TMEM236: variants seen among roughly 807,000 people sequenced by gnomAD.
TMEM236 encodes the protein transmembrane protein 236, also known as family with sequence similarity 23, member A.
A neutral mutation model predicts 14.7 loss-of-function variants in TMEM236; 11 were observed. That is an observed-to-expected ratio of 0.75 (90% confidence interval 0.47 to 1.24). The LOEUF (loss-of-function observed/expected upper bound fraction) is 1.24. TMEM236 is among the 50% of genes most tolerant of loss of function. The pLI, the probability that TMEM236 is intolerant of heterozygous loss-of-function variation, is 0.00. For missense variants in TMEM236, 464 were observed against 427.3 expected (o/e 1.09, Z -0.76); for synonymous variants, 182 against 168.6 (o/e 1.08, Z -0.62).
chr10:17,792,970 C>G (rs1328170395), intron 3 of TMEM236, among the ~76,000 whole-genome samples: 14 of 152,138 alleles, frequency 9.2e-5, no homozygotes, highest in Non-Finnish European at 1.3e-4. Context: ...CTTGCTGGTC[C>G]CCTCCAATGA....
At position 17,752,565 on chromosome 10, in the gene TMEM236, ATTTTCTTTT is replaced by A. The variant is rs1837225042; in HGVS notation, c.257+24_257+32del. On this transcript the variant is annotated intron_variant, in intron 1 of 3. Transcript: ENST00000377495. ...AAATTAAAGGATGGTAAGTAAAAGA[ATTTTCTTTT>A]TTTTCTTTTTGATTTGGAGTCTCGC... 7 of 1,612,496 alleles carry A rather than the reference ATTTTCTTTT, an allele frequency of 4.3e-6. No individual in the cohort carries two copies. The highest frequency in any genetic ancestry group is 1.7e-6 in the Non-Finnish European group (2 of 1,178,806).
intron 1 of TMEM236, among the ~76,000 whole-genome samples, chr10:17,770,608 C>T (rs1454773901): frequency 6.6e-6 from 1 of 152,206 alleles, no homozygotes; most frequent in East Asian, 1.9e-4. Flanking sequence ...TGGTCTCGAT[C>T]TCCTGACCTC....
At chr10:17,770,059 T>C (rs1837543247) in intron 1 of TMEM236, among the ~76,000 whole-genome samples, 1 of 152,084 alleles carries the variant, frequency 6.6e-6, no homozygotes, top group Non-Finnish European at 1.5e-5. Flanking sequence ...AACGTTTAGC[T>C]CCCACTTATA....
intron 2 of TMEM236, among the ~76,000 whole-genome samples, chr10:17,774,503 CT>C (rs1169072652): frequency 6.6e-6 from 1 of 151,264 alleles, no homozygotes; most frequent in Non-Finnish European, 1.5e-5. Context: ...AAAATCCATC[CT>C]TCCCACATTT....
rs1159493366 is a variant in TMEM236, at chr10:17,795,771, G to A, written c.473-150G>A. On this transcript the variant is annotated intron_variant, in intron 3 of 3. Coordinates refer to ENST00000377495, the MANE Select transcript of TMEM236 (RefSeq NM_001098844.3). The stretch of plus-strand genomic sequence containing the variant: ...CCTGCATGTCCTGCACATGTATCCT[G>A]GAACTTAAAATAAAATTAAATTAAA... 37 of 918,212 alleles carry A rather than the reference G, an allele frequency of 4.0e-5. No individual in the cohort carries two copies. The Admixed American group carries it at 8.6e-4, about 21-fold the overall frequency. 56.9% of individuals were successfully genotyped at this position (918,212 alleles called of 1,614,324 possible).
At chr10:17,786,764 G>T (rs1425645556) in intron 3 of TMEM236, among the ~76,000 whole-genome samples, 3 of 152,074 alleles carry the variant, frequency 2.0e-5, no homozygotes, top group Non-Finnish European at 4.4e-5. Flanking sequence ...TGGCTGTGTC[G>T]CCACCCAAAT....
At chr10:17,762,900 G>A (rs188367824) in intron 1 of TMEM236, among the ~76,000 whole-genome samples, 1,522 of 151,626 alleles carry the variant, frequency 0.01, 26 homozygotes, top group African/African-American at 0.034. Context: ...CAATCCATCT[G>A]CCTCGGCCTC....
At chr10:17,778,949 C>T (rs1306329988) in intron 3 of TMEM236, among the ~76,000 whole-genome samples, 2 of 152,166 alleles carry the variant, frequency 1.3e-5, no homozygotes, top group Non-Finnish European at 2.9e-5. Flanking sequence ...TATCATGCAA[C>T]AGCTTCTAAG....
At chr10:17,776,007 G>C (rs577440122) in intron 2 of TMEM236, 22 bp from the exon 3 acceptor site, 267,660 of 1,612,786 alleles carry the variant, frequency 0.17, 24,261 homozygotes, top group African/African-American at 0.31. Flanking sequence ...TTTAATGCTT[G>C]TAAATGGTTT....
At chr10:17,788,449 G>T (rs1837871540) in intron 3 of TMEM236, among the ~76,000 whole-genome samples, 1 of 151,632 alleles carries the variant, frequency 6.6e-6, no homozygotes, top group African/African-American at 2.4e-5. Flanking sequence ...AGGGAAAAAT[G>T]ATCTCTAAAC....
At chr10:17,754,319 ATTTAC>A (rs1837251652) in intron 1 of TMEM236, among the ~76,000 whole-genome samples, 1 of 151,964 alleles carries the variant, frequency 6.6e-6, no homozygotes, top group African/African-American at 2.4e-5. Context: ...TAGACTTTTT[ATTTAC>A]TTATTTTTTA....
At chr10:17,768,086 G>GTGTTTTT (rs1837500427) in intron 1 of TMEM236, among the ~76,000 whole-genome samples, 1 of 92,022 alleles carries the variant, frequency 1.1e-5, no homozygotes, top group Non-Finnish European at 2.2e-5. Context: ...AATTTTTGTG[G>GTGTTTTT]TTTTTTTTTT....
At chr10:17,795,490 A>C (rs1176926102) in intron 3 of TMEM236, among the ~76,000 whole-genome samples, 1 of 152,192 alleles carries the variant, frequency 6.6e-6, no homozygotes, top group Non-Finnish European at 1.5e-5. Flanking sequence ...GTTATTATGG[A>C]GTGGTAAAAA....
chr10:17,788,017 T>C (rs1837866594), intron 3 of TMEM236, among the ~76,000 whole-genome samples: 1 of 151,976 alleles, frequency 6.6e-6, no homozygotes, highest in Non-Finnish European at 1.5e-5. Context: ...ACCTTGACAT[T>C]CTACCTTACT....
At chr10:17,782,268 T>A (rs2477660) in intron 3 of TMEM236, among the ~76,000 whole-genome samples, 129,302 of 152,212 alleles carry the variant, frequency 0.85, 55,424 homozygotes, top group East Asian at 1. Context: ...ATACTCATTT[T>A]AAAAAGTTAT....
rs1408112862 is a variant in TMEM236, at chr10:17,799,731, A to G, written c.*3227A>G. 2.6e-5 allele frequency: 4 copies of G among 152,652 alleles called. No homozygotes were observed. In the East Asian group the frequency reaches 7.7e-4, roughly 29 times the overall value. 9.5% of individuals were successfully genotyped at this position (152,652 alleles called of 1,614,324 possible). Reference sequence around the variant, plus strand: ...TGTGTAAGTATATATTTATCTCCATATTAGAACTTAGCAACAGTGCTCAGA... The same window carrying G: ...TGTGTAAGTATATATTTATCTCCATGTTAGAACTTAGCAACAGTGCTCAGA... On this transcript the variant is annotated 3_prime_UTR_variant, in exon 4 of 4. Transcript: ENST00000377495.
intron 1 of TMEM236, among the ~76,000 whole-genome samples, chr10:17,768,760 TGC>T (rs2131747149): frequency 6.6e-6 from 1 of 151,470 alleles, no homozygotes; most frequent in African/African-American, 2.4e-5. Flanking sequence ...TGTGTGTGTG[TGC>T]CTGTATGTGT....
chr10:17,756,906 G>A (rs1410002490), intron 1 of TMEM236, among the ~76,000 whole-genome samples: 1 of 152,146 alleles, frequency 6.6e-6, no homozygotes, highest in Non-Finnish European at 1.5e-5. Flanking sequence ...TGTGCATCTG[G>A]CTCAGGTACC....
chr10:17,795,237 T>G lies in TMEM236; in HGVS notation c.473-684T>G, dbSNP rs1220809234. On this transcript the variant is annotated intron_variant, in intron 3 of 3. Transcript: ENST00000377495. ...TGTTTTATAATTAGCTCATGATCTATTGCATCTAGACAGGTAATAGCAGCC... is the reference window on the plus strand; with the variant it reads ...TGTTTTATAATTAGCTCATGATCTAGTGCATCTAGACAGGTAATAGCAGCC... Among the ~76,000 whole-genome samples, 16 of 152,316 alleles carry G rather than the reference T, an allele frequency of 1.1e-4. No homozygotes were observed. The East Asian group carries it at 2.9e-3, about 28-fold the overall frequency.
Sources: allele counts gnomAD v4.1 joint callset (sites outside exome capture counted in the v4.1 genomes callset), GRCh38; gene constraint gnomAD v4.1.1; transcripts MANE v1.5; gene names NCBI Gene and HGNC (gene_info 2026-07-23, HGNC 2026-07-21).